Variants in EIPR1 observed in about 807,000 individuals in gnomAD.
EIPR1 encodes EARP and GARP complex-interacting protein 1.
A neutral mutation model predicts 48.1 loss-of-function variants in EIPR1; 25 were observed. The ratio of observed to expected loss-of-function variants is 0.52; its 90% CI spans 0.38 to 0.73. The LOEUF (loss-of-function observed/expected upper bound fraction) is 0.73. Ranked by LOEUF, EIPR1 falls within the 30% of genes least tolerant of loss-of-function variation. The pLI, the probability that EIPR1 is intolerant of heterozygous loss-of-function variation, is 0.00. For missense variants in EIPR1, 415 were observed against 506.2 expected, an observed-to-expected ratio of 0.82 and a Z score of 1.73; for synonymous variants, 204 against 201.9, an observed-to-expected ratio of 1.01 and a Z score of -0.09.
chr2:3,253,350 G>A (rs1335289487), intron 4 of EIPR1, among the ~76,000 whole-genome samples: 7 of 152,000 alleles, frequency 4.6e-5, no homozygotes, highest in Non-Finnish European at 4.4e-5. Context: ...ACCAAGCTGC[G>A]CCCCGACCAC....
intron 3 of EIPR1, among the ~76,000 whole-genome samples, chr2:3,329,337 C>T (rs13024640): frequency 9.7e-4 from 99 of 101,968 alleles, no homozygotes; most frequent in Non-Finnish European, 1.0e-3. Flanking sequence ...CCACCCACCA[C>T]GCTCTAATGA....
rs565829076 is a variant in EIPR1 at position 3,214,676 on chromosome 2, C to T, written c.417-428G>A. 2.0e-5 allele frequency among the ~76,000 whole-genome samples: 3 copies of T among 152,302 alleles called. No homozygotes were observed. In the East Asian group the frequency reaches 5.8e-4, roughly 29 times the overall value. Reference sequence around the variant, plus strand: ...CTACAGCTGGGAAAATCATCTAACACAAGACGTACTTTATAAGAAAGTGCT... The same window carrying T: ...CTACAGCTGGGAAAATCATCTAACATAAGACGTACTTTATAAGAAAGTGCT... On this transcript the variant is annotated intron_variant, in intron 4 of 8. Transcript: ENST00000382125.
At chr2:3,339,619 C>T (rs1269892194) in intron 2 of EIPR1, among the ~76,000 whole-genome samples, 1 of 152,158 alleles carries the variant, frequency 6.6e-6, no homozygotes, top group African/African-American at 2.4e-5. Flanking sequence ...GCCATCCTCA[C>T]GACAGTGAAT....
chr2:3,361,325 A>G (rs1670846519), intron 1 of EIPR1, among the ~76,000 whole-genome samples: 1 of 151,922 alleles, frequency 6.6e-6, no homozygotes, highest in Non-Finnish European at 1.5e-5. Flanking sequence ...CCAACCCCCT[A>G]AGCTGCAAGG....
intron 3 of EIPR1, among the ~76,000 whole-genome samples, chr2:3,333,053 G>T (rs1358798823): frequency 6.6e-6 from 1 of 152,230 alleles, no homozygotes; most frequent in Non-Finnish European, 1.5e-5. Context: ...GAGACTGCCT[G>T]TGGGCGCCAG....
At chr2:3,368,664 C>A (rs1671034547) in intron 1 of EIPR1, among the ~76,000 whole-genome samples, 1 of 152,202 alleles carries the variant, frequency 6.6e-6, no homozygotes, top group Non-Finnish European at 1.5e-5. Flanking sequence ...AGAAGTCATA[C>A]TGTTTGTATG....
intron 3 of EIPR1, among the ~76,000 whole-genome samples, chr2:3,334,657 G>C (rs572111361): frequency 3.6e-4 from 55 of 152,354 alleles, no homozygotes; most frequent in African/African-American, 1.3e-3. Context: ...GCTCTTTCCT[G>C]ATCAGAGCAG....
chr2:3,223,750 T>C (rs1665972845), intron 4 of EIPR1, among the ~76,000 whole-genome samples: 1 of 152,116 alleles, frequency 6.6e-6, no homozygotes, highest in African/African-American at 2.4e-5. Flanking sequence ...CTGCTCTCTC[T>C]ATGCTCCTCC....
chr2:3,266,599 G>A (rs1255565459), intron 3 of EIPR1, among the ~76,000 whole-genome samples: 6 of 152,296 alleles, frequency 3.9e-5, no homozygotes, highest in East Asian at 1.9e-4. Context: ...GGGCACCCGC[G>A]CCTCTGACAA....
At position 3,257,282 on chromosome 2, in the gene EIPR1, A is replaced by T. The variant is rs765517022; in HGVS notation, c.416+17T>A. The T allele has an allele frequency of 6.2e-7, 1 of 1,608,536 alleles. No homozygotes were observed. The highest frequency in any genetic ancestry group is 1.1e-5 in the South Asian group (1 of 90,708). On this transcript the variant is annotated intron_variant, in intron 4 of 8. Transcript: ENST00000382125. Reference sequence around the variant, plus strand: ...CTGCAGGCTCGTTCTGGGCGCATGAAATATGCAAAATCCTACCAGGCCATG... The same window carrying T: ...CTGCAGGCTCGTTCTGGGCGCATGATATATGCAAAATCCTACCAGGCCATG...
chr2:3,361,432 T>G (rs1347954413), intron 1 of EIPR1, among the ~76,000 whole-genome samples: 2 of 151,984 alleles, frequency 1.3e-5, no homozygotes, highest in African/African-American at 4.8e-5. Flanking sequence ...CTCTCTCTTC[T>G]CTGGCTTCTT....
intron 3 of EIPR1, among the ~76,000 whole-genome samples, chr2:3,316,882 TC>T (rs903185786): frequency 6.6e-6 from 1 of 152,154 alleles, no homozygotes; most frequent in African/African-American, 2.4e-5. Flanking sequence ...TCAAAATGCC[TC>T]AGGAAAACAG....
chr2:3,271,325 T>C (rs1419714031), intron 3 of EIPR1, among the ~76,000 whole-genome samples: 1 of 152,262 alleles, frequency 6.6e-6, no homozygotes, highest in African/African-American at 2.4e-5. Context: ...ATGTTCTTAA[T>C]GGCATCTAGA....
chr2:3,331,221 CATG>C (rs1669893997), intron 3 of EIPR1, among the ~76,000 whole-genome samples: 1 of 106,292 alleles, frequency 9.4e-6, no homozygotes, highest in African/African-American at 4.6e-5. Flanking sequence ...TGTATACACT[CATG>C]AGATGTGTCA....
rs115837322 is a variant in EIPR1 at position 3,236,987 on chromosome 2, A to T, written c.416+20312T>A. On this transcript the variant is annotated intron_variant, in intron 4 of 8. Transcript: ENST00000382125. ...CTATACTGATTTGTACCATGTTAAC[A>T]CACGAGAAAAACAAAGCCGGGTGGC... is the stretch of plus-strand genomic sequence containing the variant. Among the ~76,000 whole-genome samples the T allele has an allele frequency of 8.0e-3, 1,214 of 152,196 alleles. 14 individuals carry two copies. The highest frequency in any genetic ancestry group is 0.028 in the African/African-American group (1,162 of 41,516).
intron 4 of EIPR1, among the ~76,000 whole-genome samples, chr2:3,254,271 G>A (rs1336103953): frequency 6.6e-6 from 1 of 152,182 alleles, no homozygotes; most frequent in Non-Finnish European, 1.5e-5. Context: ...GCAGAGAGGA[G>A]GAGCCCTCAC....
chr2:3,241,031 A>AGATCCCTCCTAAAGCAAAGCCAGCG, intron 4 of EIPR1, among the ~76,000 whole-genome samples: 1 of 151,344 alleles, frequency 6.6e-6, no homozygotes, highest in African/African-American at 2.4e-5. Context: ...CAAAGCCAGC[A>AGATCCCTCCTAAAGCAAAGCCAGCG]GATCCTTCCT....
At chr2:3,195,576 T>C (rs1664776383) in intron 6 of EIPR1, among the ~76,000 whole-genome samples, 1 of 152,194 alleles carries the variant, frequency 6.6e-6, no homozygotes, top group Non-Finnish European at 1.5e-5. Context: ...CTTTTAAATC[T>C]TTCAAGGGAA....
rs562523775 is a variant in EIPR1, at chr2:3,335,538, TAAC to T, written c.259+2476_259+2478del. Among the ~76,000 whole-genome samples, 846 of 151,854 alleles carry T rather than the reference TAAC, an allele frequency of 5.6e-3. 8 individuals carry two copies. Among genetic ancestry groups the T allele is most frequent in the Non-Finnish European group, 9.6e-3 (649 of 67,932 alleles). On this transcript the variant is annotated intron_variant, in intron 3 of 8. Coordinates refer to ENST00000382125, the MANE Select transcript of EIPR1 (RefSeq NM_003310.5). ...GGGGAAGAGTTATACGATGGTGGAGTAACAACAAGCACAGCGTCTCCAGCCGGC... is the reference window on the plus strand; with the variant it reads ...GGGGAAGAGTTATACGATGGTGGAGTAACAAGCACAGCGTCTCCAGCCGGC...
Sources: gnomAD v4.1 joint callset for allele counts (sites outside exome capture counted in the v4.1 genomes callset) on GRCh38, gnomAD v4.1.1 for gene constraint, MANE v1.5 for transcripts, NCBI Gene and HGNC (gene_info 2026-07-23, HGNC 2026-07-21) for gene names.